Variants in AFF2 observed in about 807,000 individuals in gnomAD.
AFF2 encodes the protein AF4/FMR2 family member 2.
A neutral mutation model predicts 76.9 loss-of-function variants in AFF2; 14 were observed. That is an observed-to-expected ratio of 0.18 (90% CI 0.12 to 0.28). The LOEUF (loss-of-function observed/expected upper bound fraction) is 0.28, where lower values mean the gene tolerates loss of function less well. Among genes scored for constraint, AFF2 ranks in the 10% least tolerant of loss-of-function variants. AFF2 has a pLI of 1.00. For synonymous variants in AFF2, 398 were observed against 366.7 expected, an observed-to-expected ratio of 1.09 and a Z score of -0.98; for missense variants, 868 against 1,001.1, an observed-to-expected ratio of 0.87 and a Z score of 1.79.
chrX:148,985,083 C>T (rs1313578639), intron 19 of AFF2, among the ~76,000 whole-genome samples: 1 of 109,661 alleles, frequency 9.1e-6, no homozygotes, highest in African/African-American at 3.3e-5. Flanking sequence ...CTTCTCAGAT[C>T]AAGTGATTCT....
intron 9 of AFF2, among the ~76,000 whole-genome samples, chrX:148,920,622 G>T (rs781903519): frequency 7.8e-5 from 2 of 25,642 alleles, no homozygotes; most frequent in South Asian, 0.013. Flanking sequence ...GTGAGTGTGC[G>T]TGTGTGTGCG....
At chrX:148,778,449 C>T (rs1557268797) in intron 3 of AFF2, among the ~76,000 whole-genome samples, 1 of 110,963 alleles carries the variant, frequency 9.0e-6, no homozygotes, top group African/African-American at 3.3e-5. Context: ...CTTTGTACCT[C>T]TGGTGGAATT....
At chrX:148,770,526 G>A (rs184351387) in intron 3 of AFF2, among the ~76,000 whole-genome samples, 35 of 111,176 alleles carry the variant, frequency 3.1e-4, no homozygotes, top group Non-Finnish European at 5.7e-5. Flanking sequence ...ATAAAAACAT[G>A]GACAAAGAGG....
At chrX:148,619,132 A>G (rs992008989) in intron 1 of AFF2, among the ~76,000 whole-genome samples, 6 of 111,700 alleles carry the variant, frequency 5.4e-5, no homozygotes, top group Non-Finnish European at 1.1e-4. Context: ...TCAAACTGGC[A>G]GTTTTGAAGG....
intron 8 of AFF2, among the ~76,000 whole-genome samples, chrX:148,889,043 C>T (rs1000547643): frequency 2.7e-5 from 3 of 111,931 alleles, no homozygotes; most frequent in Non-Finnish European, 5.6e-5. Flanking sequence ...ATAATCATCA[C>T]ACCTTGACTC....
intron 19 of AFF2, among the ~76,000 whole-genome samples, chrX:148,983,968 A>AAAAAAAAAAAAAAAAAAAAAAG (rs1431816827): frequency 9.7e-6 from 1 of 103,469 alleles, no homozygotes; most frequent in Non-Finnish European, 2.0e-5. Context: ...AAAAAAAAAA[A>AAAAAAAAAAAAAAAAAAAAAAG]CTGCCCTCAT....
intron 3 of AFF2, among the ~76,000 whole-genome samples, chrX:148,779,682 C>T (rs915824131): frequency 6.3e-5 from 7 of 111,673 alleles, no homozygotes; most frequent in South Asian, 3.8e-4. Flanking sequence ...CACACCAATG[C>T]GTCTTGGCTC....
rs142394333 is a variant in AFF2 at position 148,831,612 on chromosome X, C to A, written c.1087-6035C>A. Among the ~76,000 whole-genome samples, 453 of 111,986 alleles carry A rather than the reference C, an allele frequency of 4.0e-3. 1 individual carries two copies. The highest frequency in any genetic ancestry group is 0.014 in the African/African-American group (427 of 30,848). Reference sequence around the variant, plus strand: ...ATAAGGGTGCTAATGCCCTGCCTGGCTTTGCTCTCCTATCAGGGAGGAGCA... The same window carrying A: ...ATAAGGGTGCTAATGCCCTGCCTGGATTTGCTCTCCTATCAGGGAGGAGCA... On this transcript the variant is annotated intron_variant, in intron 4 of 20. Transcript: ENST00000370460.
chrX:148,667,186 G>A (rs1303612592), intron 3 of AFF2, among the ~76,000 whole-genome samples: 1 of 112,301 alleles, frequency 8.9e-6, no homozygotes, highest in African/African-American at 3.2e-5. Context: ...TTATTTTAGT[G>A]GTTAGCTTTG....
At chrX:148,637,676 G>C (rs1713169003) in intron 1 of AFF2, among the ~76,000 whole-genome samples, 1 of 112,085 alleles carries the variant, frequency 8.9e-6, no homozygotes, top group South Asian at 3.6e-4. Flanking sequence ...AATGGTGTCT[G>C]TATAAAATTA....
chrX:148,824,060 CCT>C (rs60032031), intron 4 of AFF2, among the ~76,000 whole-genome samples: 16 of 96,623 alleles, frequency 1.7e-4, no homozygotes, highest in African/African-American at 3.6e-4. Flanking sequence ...ATATTTGCTT[CCT>C]CTCTCTCTCT....
intron 1 of AFF2, among the ~76,000 whole-genome samples, chrX:148,595,860 C>A (rs1557247242): frequency 9.0e-6 from 1 of 111,178 alleles, no homozygotes; most frequent in African/African-American, 3.3e-5. Flanking sequence ...TAGATAATAC[C>A]TAAAAATAAA....
At chrX:148,637,134 G>C (rs2054039882) in intron 1 of AFF2, among the ~76,000 whole-genome samples, 1 of 111,477 alleles carries the variant, frequency 9.0e-6, no homozygotes, top group Non-Finnish European at 1.9e-5. Context: ...TGCTCAATTG[G>C]GTCTTAGCAT....
chrX:148,982,575 C>G (rs1216010696), intron 19 of AFF2, among the ~76,000 whole-genome samples: 3 of 112,141 alleles, frequency 2.7e-5, no homozygotes, highest in South Asian at 7.5e-4. Flanking sequence ...GCTCTCACAG[C>G]ACCTTCCAGG....
At chrX:148,693,842 C>A (rs1303129866) in intron 3 of AFF2, among the ~76,000 whole-genome samples, 3 of 112,025 alleles carry the variant, frequency 2.7e-5, no homozygotes, top group African/African-American at 9.8e-5. Flanking sequence ...CATGAATTTA[C>A]AATGAATTCA....
intron 1 of AFF2, among the ~76,000 whole-genome samples, chrX:148,522,105 A>G (rs1603229707): frequency 8.9e-6 from 1 of 112,427 alleles, no homozygotes; most frequent in Non-Finnish European, 1.9e-5. Flanking sequence ...TTCTTTTTCT[A>G]AGTGTGCCCT....
chrX:148,501,286 C>T (rs2052345832), intron 1 of AFF2, 142 bp downstream of exon 1: 1 of 783,795 alleles, frequency 1.3e-6, no homozygotes, highest in Admixed American at 2.8e-5. Flanking sequence ...ACCTCTGGCC[C>T]CGGCCGCGCT....
intron 1 of AFF2, among the ~76,000 whole-genome samples, chrX:148,506,474 C>G (rs1258718867): frequency 9.0e-6 from 1 of 111,443 alleles, no homozygotes; most frequent in Non-Finnish European, 1.9e-5. Context: ...AGCCATGGAA[C>G]TCTGCTTTTT....
chrX:148,958,224 A>G (rs1459992385), intron 11 of AFF2, 113 bp from the exon 12 acceptor site: 1 of 1,011,167 alleles, frequency 9.9e-7, no homozygotes, highest in African/African-American at 1.9e-5. Flanking sequence ...TACCTAATCT[A>G]GAAGTTAAAA....
Sources: gnomAD v4.1 joint callset for allele counts (sites outside exome capture counted in the v4.1 genomes callset) on GRCh38, gnomAD v4.1.1 for gene constraint, MANE v1.5 for transcripts, NCBI Gene and HGNC (gene_info 2026-07-23, HGNC 2026-07-21) for gene names.